The following BCOR variants were observed in gnomAD, a reference collection of about 807,000 sequenced individuals.
BCOR encodes BCL6 corepressor.
Under a neutral mutation model 86.7 loss-of-function variants are expected in BCOR, and 10 were observed. That is an observed-to-expected ratio of 0.12 (90% CI 0.07 to 0.20). The LOEUF is 0.20. Among genes scored for constraint, BCOR ranks in the 10% least tolerant of loss-of-function variants. BCOR has a pLI of 1.00. For missense variants in BCOR, 1,259 were observed against 1,452.1 expected (o/e 0.87, Z 2.16); for synonymous variants, 611 against 609.0 (o/e 1.00, Z -0.05).
At chrX:40,071,287 T>C in intron 5 of BCOR, 128 bp from the exon 6 acceptor site, 1 of 632,214 alleles carries the variant, frequency 1.6e-6, no homozygotes, top group Non-Finnish European at 2.4e-6. Context: ...GCTTATGAGA[T>C]GTAACTCAGA....
chrX:40,122,309 G>A (rs1195802930), intron 1 of BCOR, among the ~76,000 whole-genome samples: 1 of 111,203 alleles, frequency 9.0e-6, no homozygotes, highest in Non-Finnish European at 1.9e-5. Context: ...AGGGCTAGAG[G>A]GTAGAATGTG....
At position 40,071,171 on chromosome X, in the gene BCOR, A is replaced by G; in HGVS notation, c.3052-12T>C. 6 of 1,171,055 alleles carry G rather than the reference A, an allele frequency of 5.1e-6. No homozygotes were observed. The highest frequency in any genetic ancestry group is 6.9e-6 in the Non-Finnish European group (6 of 871,443). ...CGCATCATTGCACGCTAGAAAGAGA[A>G]CGGAGATGGAAAAAAAAAAAAACAA... On this transcript the variant is annotated splice_polypyrimidine_tract_variant and intron_variant, in intron 5 of 14. Coordinates refer to ENST00000378444, the MANE Select transcript of BCOR (RefSeq NM_001123385.2).
chrX:40,055,848 G>A (rs1170575037), intron 11 of BCOR, among the ~76,000 whole-genome samples: 2 of 106,663 alleles, frequency 1.9e-5, no homozygotes, highest in Non-Finnish European at 3.9e-5. Flanking sequence ...GGTGGACAGG[G>A]TCTCACTCCA....
intron 1 of BCOR, among the ~76,000 whole-genome samples, chrX:40,105,169 C>T (rs1210229386): frequency 9.0e-6 from 1 of 110,623 alleles, no homozygotes; most frequent in African/African-American, 3.3e-5. Flanking sequence ...GTCTCCGGAC[C>T]CCGCCTCCCC....
intron 10 of BCOR, among the ~76,000 whole-genome samples, chrX:40,059,640 G>A (rs2146958075): frequency 8.9e-6 from 1 of 112,948 alleles, no homozygotes; most frequent in South Asian, 3.6e-4. Context: ...TCTCCACGCT[G>A]GAAATGGGAG....
Position 40,074,000 on chromosome X carries a change from T to C in BCOR, c.1346A>G (p.Asp449Gly), listed in dbSNP as rs1002601758. The change falls in exon 4 of 15, where the codon GAT becomes GGT. Residue 449 changes from aspartate (D) to glycine (G), a missense_variant. Transcript: ENST00000378444. ...GTGGTCAGCTTTGGAAGCATCTACA[T>C]CCACCACTTTAGAAGACAAGTCTAG... ...KPLDLSSKVV[D>G]VDASKADHMK... 8.3e-7 allele frequency: 1 copy of C among 1,210,991 alleles called. No homozygotes were observed. The highest frequency in any genetic ancestry group is 1.1e-6 in the Non-Finnish European group (1 of 895,425).
chrX:40,110,661 C>CTTTTTCTT (rs1937287859), intron 1 of BCOR, among the ~76,000 whole-genome samples: 1 of 24,672 alleles, frequency 4.1e-5, no homozygotes, highest in African/African-American at 9.3e-5. Context: ...TTCTTTTTTC[C>CTTTTTCTT]TTTTTCTTTT....
Position 40,063,613 on chromosome X carries a change from T to C in BCOR, c.3842A>G (p.Glu1281Gly). 1 of 1,209,829 alleles carries C rather than the reference T, an allele frequency of 8.3e-7. No homozygotes were observed. The highest frequency in any genetic ancestry group is 1.8e-5 in the South Asian group (1 of 56,913). Residue 1281 changes from glutamate to glycine, a missense_variant, in exon 8 of 15, where the codon GAA (glutamate) becomes GGA (glycine). This residue lies in a region of BCOR where 305 missense variants were observed against 286.1 expected (regional missense o/e 1.07). Transcript: ENST00000378444. ...SEESLKPSDN[E>G]QGLPVFSGSP... ...AAGGGGTGGCCCCCGCATACCTTGT[T>C]CATTGTCACTGGGTTTAAGAGACTC...
intron 1 of BCOR, among the ~76,000 whole-genome samples, chrX:40,139,874 C>G (rs1243807549): frequency 1.8e-5 from 2 of 108,756 alleles, no homozygotes; most frequent in African/African-American, 3.3e-5. Context: ...ACTGGGAGCA[C>G]TGGTTGCCTT....
In BCOR at chrX:40,064,492, G is replaced by A. The variant is rs140923855; in HGVS notation, c.3346C>T (p.Pro1116Ser). The A allele has an allele frequency of 3.9e-5, 47 of 1,211,072 alleles. No homozygotes were observed. Among genetic ancestry groups the A allele is most frequent in the Admixed American group, 1.1e-4 (5 of 46,000 alleles). Residue 1116 changes from proline to serine, a missense_variant, in exon 7 of 15, where the codon CCC becomes TCC. Pro to Ser is a moderately conservative substitution (Grantham distance 74, BLOSUM62 -1). Transcript: ENST00000378444. ...ATGTCCGAGGCCACCTGGTCTGCGG[G>A]AGGCTCGCTCACAGGCTGCCTCTCC... ...FVERQPVSEPPADQVASDMPH... is the reference protein window; with the variant it reads ...FVERQPVSEPSADQVASDMPH...
At chrX:40,167,643 G>A (rs1055530406) in intron 1 of BCOR, among the ~76,000 whole-genome samples, 3 of 112,619 alleles carry the variant, frequency 2.7e-5, no homozygotes, top group Admixed American at 9.3e-5. Context: ...CCTGGTCTGC[G>A]TGGATCCAGC....
intron 1 of BCOR, among the ~76,000 whole-genome samples, chrX:40,092,589 G>A (rs1207639257): frequency 1.8e-5 from 2 of 111,659 alleles, no homozygotes; most frequent in African/African-American, 6.5e-5. Context: ...GACCCCAGCA[G>A]TGCAACAGCC....
intron 10 of BCOR, among the ~76,000 whole-genome samples, chrX:40,058,554 C>G (rs1406938758): frequency 1.8e-5 from 2 of 111,956 alleles, no homozygotes; most frequent in Non-Finnish European, 3.8e-5. Context: ...TCTGAAAATT[C>G]TTTTATGCCC....
intron 8 of BCOR, 29 bp from the exon 9 acceptor site, chrX:40,063,100 G>T (rs1346466311): frequency 2.0e-6 from 2 of 1,022,431 alleles, no homozygotes; most frequent in African/African-American, 2.0e-5. Flanking sequence ...ACGGGGTGGC[G>T]GGCGGATGGG....
chrX:40,153,214 G>T (rs1053749019), intron 1 of BCOR, among the ~76,000 whole-genome samples: 1 of 113,008 alleles, frequency 8.8e-6, no homozygotes, highest in African/African-American at 3.2e-5. Context: ...GCACACCTCC[G>T]CCCTAGAGAG....
rs1422204826 is a variant in BCOR at position 40,126,131 on chromosome X, G to A, written c.-40-48162C>T. Among the ~76,000 whole-genome samples the A allele has an allele frequency of 1.4e-4, 15 of 108,628 alleles. No individual in the cohort carries two copies. In the East Asian group the frequency reaches 1.7e-3, roughly 12 times the overall value. The allele number at this position is 108,628 out of a possible 115,157, so 94.3% of individuals were successfully genotyped here. A position where few individuals can be genotyped will look rare whatever the true frequency, so the allele number is the denominator to read the frequency against. The stretch of plus-strand genomic sequence containing the variant: ...CTCGGGAGGCTGAGGCAGGAGAATC[G>A]CTTGAACCTGGGAGGCGGAGGTTGC... On this transcript the variant is annotated intron_variant, in intron 1 of 14. Coordinates refer to the BCOR transcript ENST00000342274.
intron 1 of BCOR, among the ~76,000 whole-genome samples, chrX:40,109,467 G>A (rs1174319128): frequency 1.8e-5 from 2 of 112,559 alleles, no homozygotes; most frequent in Non-Finnish European, 3.8e-5. Context: ...CGGGCGGCCA[G>A]GTACCCAGCC....
intron 10 of BCOR, among the ~76,000 whole-genome samples, chrX:40,057,672 G>GT (rs777803938): frequency 8.9e-6 from 1 of 112,398 alleles, no homozygotes; most frequent in South Asian, 3.7e-4. Context: ...GCCTGGCACA[G>GT]TGAGTACAGA....
intron 1 of BCOR, among the ~76,000 whole-genome samples, chrX:40,110,655 T>C (rs1569182576): frequency 2.3e-5 from 2 of 88,494 alleles, no homozygotes; most frequent in African/African-American, 8.0e-5. Context: ...TTTTTTTTCT[T>C]TTTTCCTTTT....
Sources: allele counts gnomAD v4.1 joint callset (sites outside exome capture counted in the v4.1 genomes callset), GRCh38; gene constraint gnomAD v4.1.1; regional missense constraint gnomAD v4.1.1; transcripts MANE v1.5; gene names NCBI Gene and HGNC (gene_info 2026-07-23, HGNC 2026-07-21).